SMYD3: variants seen among roughly 807,000 people sequenced by gnomAD.
SMYD3 encodes histone-lysine N-methyltransferase SMYD3.
In SMYD3, 36 loss-of-function variants were observed where a neutral mutation model predicts 57.7. The observed-to-expected ratio is 0.62, with a 90% CI of 0.48 to 0.82. The LOEUF is 0.82. Ranked by LOEUF, SMYD3 falls within the 40% of genes least tolerant of loss-of-function variation. SMYD3 has a pLI of 0.00. For synonymous variants in SMYD3, 211 were observed against 195.0 expected (o/e 1.08, Z -0.68); for missense variants, 515 against 538.8 (o/e 0.96, Z 0.44).
At chr1:246,057,891 C>T (rs1389393125) in intron 5 of SMYD3, among the ~76,000 whole-genome samples, 1 of 152,194 alleles carries the variant, frequency 6.6e-6, no homozygotes, top group Non-Finnish European at 1.5e-5. Flanking sequence ...AATTGTTGCA[C>T]ATCCAGACAA....
At chr1:246,372,699 C>T (rs1030613479) in intron 1 of SMYD3, among the ~76,000 whole-genome samples, 3 of 152,190 alleles carry the variant, frequency 2.0e-5, no homozygotes, top group African/African-American at 7.2e-5. Flanking sequence ...GGCGAAACCC[C>T]ATCTCTACTG....
At chr1:245,913,924 C>T (rs1403457526) in intron 8 of SMYD3, among the ~76,000 whole-genome samples, 2 of 151,978 alleles carry the variant, frequency 1.3e-5, no homozygotes, top group African/African-American at 4.8e-5. Context: ...GTCATCTCAC[C>T]CCAATGAGAA....
intron 1 of SMYD3, among the ~76,000 whole-genome samples, chr1:246,444,737 T>C (rs1240354482): frequency 6.6e-6 from 1 of 152,264 alleles, no homozygotes; most frequent in Non-Finnish European, 1.5e-5. Flanking sequence ...TACACCCACT[T>C]TAAAGACAAC....
In SMYD3 at chr1:246,049,548, G is replaced by A. The variant is rs532648927; in HGVS notation, c.532-119611C>T. 4.0e-4 allele frequency among the ~76,000 whole-genome samples: 60 copies of A among 151,124 alleles called. No individual in the cohort carries two copies. The South Asian group carries it at 0.01, about 26-fold the overall frequency. On this transcript the variant is annotated intron_variant, in intron 5 of 11. Transcript: ENST00000490107. ...TCTCGATCTCCTGACCTCGTGATCCGCCCATCTCGGCCTCCCAAAGTGCTG... is the reference window on the plus strand; with the variant it reads ...TCTCGATCTCCTGACCTCGTGATCCACCCATCTCGGCCTCCCAAAGTGCTG...
intron 1 of SMYD3, among the ~76,000 whole-genome samples, chr1:246,409,992 T>C (rs2066936412): frequency 6.6e-6 from 1 of 152,126 alleles, no homozygotes; most frequent in South Asian, 2.1e-4. Context: ...GTTATTGGTA[T>C]ATATGCTTGT....
chr1:246,406,754 G>A (rs1316546039), intron 1 of SMYD3, among the ~76,000 whole-genome samples: 1 of 152,208 alleles, frequency 6.6e-6, no homozygotes, highest in Admixed American at 6.5e-5. Context: ...GTAAGTGACA[G>A]TGTCACTGGC....
chr1:246,427,378 G>A (rs1243238531), intron 1 of SMYD3, among the ~76,000 whole-genome samples: 4 of 151,358 alleles, frequency 2.6e-5, no homozygotes, highest in Non-Finnish European at 4.4e-5. Context: ...AAATTAGCCG[G>A]GCGTAGTGGC....
At chr1:246,119,857 A>G (rs1316724417) in intron 5 of SMYD3, among the ~76,000 whole-genome samples, 1 of 152,200 alleles carries the variant, frequency 6.6e-6, no homozygotes, top group Non-Finnish European at 1.5e-5. Context: ...AGGAGAGGAA[A>G]ATGTTTCTTT....
At chr1:246,086,170 C>A (rs533250613) in intron 5 of SMYD3, among the ~76,000 whole-genome samples, 2 of 151,968 alleles carry the variant, frequency 1.3e-5, no homozygotes, top group Admixed American at 1.3e-4. Flanking sequence ...ATTATATGGA[C>A]ACCCCACCAC....
Position 246,335,440 on chromosome 1 carries a change from T to C in SMYD3, c.263A>G (p.Lys88Arg). 1 of 1,614,166 alleles carries C rather than the reference T, an allele frequency of 6.2e-7. No homozygotes were observed. The highest frequency in any genetic ancestry group is 8.5e-7 in the Non-Finnish European group (1 of 1,180,020). The change falls in exon 3 of 12, where the codon AAA becomes AGA. Residue 88 changes from lysine (K) to arginine (R), a missense_variant. Coordinates refer to ENST00000490107, the MANE Select transcript of SMYD3 (RefSeq NM_001167740.2). The part of the protein sequence containing the change: ...KAWPDHKREC[K>R]CLKSCKPRYP... Reference sequence around the variant, plus strand: ...TCTGGGTTTGCAGCTTTTAAGGCATTTGCATTCCCGCTTGTGGTCTGGCCA... The same window carrying C: ...TCTGGGTTTGCAGCTTTTAAGGCATCTGCATTCCCGCTTGTGGTCTGGCCA...
chr1:245,997,928 C>T (rs1031113422), intron 5 of SMYD3, among the ~76,000 whole-genome samples: 7 of 152,210 alleles, frequency 4.6e-5, no homozygotes, highest in East Asian at 1.9e-4. Context: ...CAAGAGGTCA[C>T]GGATAGGCAC....
intron 5 of SMYD3, among the ~76,000 whole-genome samples, chr1:246,209,822 A>G (rs2063059957): frequency 6.6e-6 from 1 of 152,184 alleles, no homozygotes; most frequent in African/African-American, 2.4e-5. Context: ...AAAGAACTCA[A>G]ATTAGTCTGA....
chr1:245,811,226 T>G (rs1572402805), intron 10 of SMYD3, among the ~76,000 whole-genome samples: 1 of 152,164 alleles, frequency 6.6e-6, no homozygotes, highest in Non-Finnish European at 1.5e-5. Context: ...GTACAGCTCT[T>G]ATTTATAGAT....
At chr1:246,235,323 T>A (rs1240956215) in intron 5 of SMYD3, among the ~76,000 whole-genome samples, 1 of 152,234 alleles carries the variant, frequency 6.6e-6, no homozygotes, top group East Asian at 1.9e-4. Flanking sequence ...CAATTTCTAC[T>A]GGAATATAAA....
At chr1:245,902,450 T>C (rs2054252829) in intron 8 of SMYD3, among the ~76,000 whole-genome samples, 1 of 152,198 alleles carries the variant, frequency 6.6e-6, no homozygotes. Context: ...ATCTGGGGGC[T>C]GGAAGATAGG....
rs181053459 is a variant in SMYD3, at chr1:246,155,007, T to C, written c.531+172194A>G. 2.0e-4 allele frequency among the ~76,000 whole-genome samples: 31 copies of C among 152,156 alleles called. No individual in the cohort carries two copies. The East Asian group carries it at 5.4e-3, about 27-fold the overall frequency. ...CGTGTTAGCCAGGATGGTCTCGAGCTCCTGACCTTGTGATCTGCCCGCCTC... is the reference window on the plus strand; with the variant it reads ...CGTGTTAGCCAGGATGGTCTCGAGCCCCTGACCTTGTGATCTGCCCGCCTC... On this transcript the variant is annotated intron_variant, in intron 5 of 11. Transcript: ENST00000490107.
chr1:246,408,949 C>G (rs1030839321), intron 1 of SMYD3, among the ~76,000 whole-genome samples: 13 of 152,242 alleles, frequency 8.5e-5, no homozygotes, highest in South Asian at 4.1e-4. Flanking sequence ...GGATTACAGG[C>G]GTGAGCCACC....
At chr1:246,458,478 G>T in intron 1 of SMYD3, among the ~76,000 whole-genome samples, 1 of 113,478 alleles carries the variant, frequency 8.8e-6, no homozygotes, top group African/African-American at 3.4e-5. Context: ...ACAGAGTCTC[G>T]CTCTGTTGCC....
At chr1:246,224,003 A>T (rs2063291954) in intron 5 of SMYD3, among the ~76,000 whole-genome samples, 1 of 152,146 alleles carries the variant, frequency 6.6e-6, no homozygotes, top group South Asian at 2.1e-4. Context: ...AAGAGGATTT[A>T]GATTCTTCTA....
Sources: gnomAD v4.1 joint callset for allele counts (sites outside exome capture counted in the v4.1 genomes callset) on GRCh38, gnomAD v4.1.1 for gene constraint, MANE v1.5 for transcripts, NCBI Gene and HGNC (gene_info 2026-07-23, HGNC 2026-07-21) for gene names.